The following HOTAIR variants were observed in gnomAD, a reference collection of about 807,000 sequenced individuals.
The protein encoded by HOTAIR is HOX transcript antisense RNA.
intron 1 of HOTAIR, among the ~76,000 whole-genome samples, chr12:53,974,726 C>T (rs1409562544): frequency 6.6e-6 from 1 of 151,860 alleles, no homozygotes; most frequent in Non-Finnish European, 1.5e-5. Context: ...CCGGCTTCCT[C>T]CCCGCCTCCC....
At chr12:53,964,687 G>A (rs1939018698) in intron 5 of HOTAIR, among the ~76,000 whole-genome samples, 1 of 152,166 alleles carries the variant, frequency 6.6e-6, no homozygotes, top group African/African-American at 2.4e-5. Context: ...GACCCTCTCT[G>A]ATGTCTGTGC....
Position 53,973,728 on chromosome 12 carries a change from G to T in HOTAIR, n.59+1170C>A, listed in dbSNP as rs200941742. The T allele has an allele frequency of 3.8e-5, 61 of 1,612,274 alleles. No individual in the cohort carries two copies. The highest frequency in any genetic ancestry group is 5.0e-5 in the Non-Finnish European group (59 of 1,179,586). ...CTTCGACAACGCCTACTGCGGTGGC[G>T]GCGACCCGCCCGCCGAGCCCCCCTG... On this transcript the variant is annotated intron_variant and non_coding_transcript_variant, in intron 1 of 6. Coordinates refer to ENST00000424518, the Ensembl canonical transcript of HOTAIR. The surrounding 1 kb of genome is among the most constrained non-coding windows in gnomAD (Gnocchi z 4.3).
At chr12:53,970,464 C>T (rs1167349357) in intron 1 of HOTAIR, among the ~76,000 whole-genome samples, 1 of 152,224 alleles carries the variant, frequency 6.6e-6, no homozygotes, top group East Asian at 1.9e-4. Flanking sequence ...TCTAGCTGAC[C>T]TCAGTGGCCA....
At chr12:53,966,951 C>G (rs1187962053) in intron 3 of HOTAIR, among the ~76,000 whole-genome samples, 2 of 152,178 alleles carry the variant, frequency 1.3e-5, no homozygotes, top group African/African-American at 4.8e-5. Context: ...TCCTTTTCCT[C>G]CAGGGTAGCA....
chr12:53,973,651 T>C lies in HOTAIR; in HGVS notation n.59+1247A>G. On this transcript the variant is annotated intron_variant and non_coding_transcript_variant, in intron 1 of 6. Coordinates refer to ENST00000424518, the Ensembl canonical transcript of HOTAIR. The surrounding 1 kb of genome is among the most constrained non-coding windows in gnomAD (Gnocchi z 4.3). ...GCCCCGCACGCAACCCCCGCCGGCT[T>C]CTACTCCTCAGTCAACAAGAACAGC... The C allele has an allele frequency of 6.2e-7, 1 of 1,613,486 alleles. No individual in the cohort carries two copies. The highest frequency in any genetic ancestry group is 1.1e-5 in the South Asian group (1 of 91,062).
In HOTAIR at chr12:53,973,468, G is replaced by A; in HGVS notation, n.59+1430C>T. On this transcript the variant is annotated intron_variant and non_coding_transcript_variant, in intron 1 of 6. Transcript: ENST00000424518. The surrounding 1 kb of genome is among the most constrained non-coding windows in gnomAD (Gnocchi z 4.3). ...CCCCCGGTCCGGGAGGTCTCCTACGGCCTGGAGCCATCCGGCAAGTGGCAC... is the reference window on the plus strand; with the variant it reads ...CCCCCGGTCCGGGAGGTCTCCTACGACCTGGAGCCATCCGGCAAGTGGCAC... 2 of 1,613,978 alleles carry A rather than the reference G, an allele frequency of 1.2e-6. No homozygotes were observed. The highest frequency in any genetic ancestry group is 2.2e-5 in the East Asian group (1 of 44,848).
At chr12:53,963,384 C>G (rs1565710983) in exon 7 of HOTAIR, 3 of 152,270 alleles carry the variant, frequency 2.0e-5, no homozygotes. Context: ...TGAACGGACT[C>G]TGTTTGGGCC....
chr12:53,964,407 A>AGGGGGGG, intron 5 of HOTAIR: 1 of 152,240 alleles, frequency 6.6e-6, no homozygotes, highest in South Asian at 2.1e-4. Flanking sequence ...GGGAAGGGAA[A>AGGGGGGG]GAGAAAGAAA....
chr12:53,973,544 C>T lies in HOTAIR; in HGVS notation n.59+1354G>A. On this transcript the variant is annotated intron_variant and non_coding_transcript_variant, in intron 1 of 6. Transcript: ENST00000424518. The surrounding 1 kb of genome is among the most constrained non-coding windows in gnomAD (Gnocchi z 4.3). ...ATGCGGCGGCCGACGAGCTTATGCA[C>T]CGGGAGTGCCTGCCTCCTTCCACCG... 1.2e-6 allele frequency: 2 copies of T among 1,613,528 alleles called. No homozygotes were observed. The highest frequency in any genetic ancestry group is 1.7e-6 in the Non-Finnish European group (2 of 1,180,016).
chr12:53,972,423 C>T (rs1403998290), intron 1 of HOTAIR, among the ~76,000 whole-genome samples: 2 of 152,232 alleles, frequency 1.3e-5, no homozygotes, highest in Non-Finnish European at 2.9e-5. Context: ...ACCGGCTGGG[C>T]GGCTGGCGCA....
rs1452099156 is a variant in HOTAIR at position 53,973,511 on chromosome 12, C to T, written n.59+1387G>A. On this transcript the variant is annotated intron_variant and non_coding_transcript_variant, in intron 1 of 6. Coordinates refer to ENST00000424518, the Ensembl canonical transcript of HOTAIR. The surrounding 1 kb of genome is among the most constrained non-coding windows in gnomAD (Gnocchi z 4.3). ...AGTGGCACCATCGGAACAGCTACTC[C>T]TCCTGCTATGCGGCGGCCGACGAGC... The T allele has an allele frequency of 4.3e-6, 7 of 1,613,940 alleles. No homozygotes were observed. The highest frequency in any genetic ancestry group is 1.1e-5 in the South Asian group (1 of 91,086).
At chr12:53,964,950 T>C (rs1030537227) in intron 5 of HOTAIR, among the ~76,000 whole-genome samples, 2 of 152,198 alleles carry the variant, frequency 1.3e-5, no homozygotes, top group African/African-American at 4.8e-5. Flanking sequence ...AGTATTGTAA[T>C]CATTACAAGT....
chr12:53,971,697 C>G (rs1018986841), intron 1 of HOTAIR, among the ~76,000 whole-genome samples: 6 of 152,378 alleles, frequency 3.9e-5, no homozygotes, highest in Non-Finnish European at 7.3e-5. Flanking sequence ...CTGGCAGCTC[C>G]TCTTTGGATC....
intron 1 of HOTAIR, among the ~76,000 whole-genome samples, chr12:53,972,122 C>A (rs1939156286): frequency 6.6e-6 from 1 of 152,196 alleles, no homozygotes; most frequent in Non-Finnish European, 1.5e-5. Context: ...GGATAAGAAC[C>A]CCAAACCTAG....
chr12:53,965,698 A>C (rs906617048), intron 5 of HOTAIR, among the ~76,000 whole-genome samples: 1 of 152,170 alleles, frequency 6.6e-6, no homozygotes, highest in African/African-American at 2.4e-5. Context: ...GGGTAAAAAG[A>C]ATGAGTGAAA....
Position 53,972,298 on chromosome 12 carries a change from T to A in HOTAIR, n.59+2600A>T, listed in dbSNP as rs559183809. Among the ~76,000 whole-genome samples the A allele has an allele frequency of 3.9e-5, 6 of 152,346 alleles. 1 individual carries two copies. In the South Asian group the frequency reaches 1.0e-3, roughly 26 times the overall value. The stretch of plus-strand genomic sequence containing the variant: ...TTTGAAAATCCACAGTGGATGTAGC[T>A]TTCTTCACATTGATTGACAATAAAG... On this transcript the variant is annotated intron_variant and non_coding_transcript_variant, in intron 1 of 6. Coordinates refer to ENST00000424518, the Ensembl canonical transcript of HOTAIR.
intron 1 of HOTAIR, among the ~76,000 whole-genome samples, chr12:53,974,201 G>A (rs1223482976): frequency 6.6e-6 from 1 of 152,050 alleles, no homozygotes; most frequent in East Asian, 1.9e-4. Context: ...TATCTCCCTC[G>A]GTCTGTGAAA....
chr12:53,965,613 G>C (rs1939037531), intron 5 of HOTAIR, among the ~76,000 whole-genome samples: 2 of 152,274 alleles, frequency 1.3e-5, no homozygotes, highest in South Asian at 4.1e-4. Context: ...GCTGGGAAGA[G>C]AGAGAAAGAG....
chr12:53,972,402 C>T (rs1222514037), intron 1 of HOTAIR, among the ~76,000 whole-genome samples: 1 of 152,232 alleles, frequency 6.6e-6, no homozygotes, highest in Non-Finnish European at 1.5e-5. Flanking sequence ...TTTTCCCAGA[C>T]TTCGCCAGGC....
Sources: gnomAD v4.1 joint callset for allele counts (sites outside exome capture counted in the v4.1 genomes callset) on GRCh38, gnomAD v4.1.1 for gene constraint, Gnocchi (gnomAD v3.1) non-coding constraint, MANE v1.5 for transcripts, NCBI Gene and HGNC (gene_info 2026-07-23, HGNC 2026-07-21) for gene names.